VWA3B: variants seen among roughly 807,000 people sequenced by gnomAD.
VWA3B encodes von Willebrand factor A domain-containing protein 3B.
Under a neutral mutation model 158.3 loss-of-function variants are expected in VWA3B, and 138 were observed. The observed-to-expected ratio is 0.87, with a 90% CI of 0.76 to 1.00. The LOEUF (loss-of-function observed/expected upper bound fraction) is 1.00. Ranked by LOEUF, VWA3B falls within the 50% of genes least tolerant of loss-of-function variation. VWA3B has a pLI of 0.00. For synonymous variants in VWA3B, 596 were observed against 587.3 expected (o/e 1.01, Z -0.21); for missense variants, 1,555 against 1,565.1 (o/e 0.99, Z 0.11).
intron 10 of VWA3B, among the ~76,000 whole-genome samples, chr2:98,190,832 T>C (rs534353464): frequency 6.6e-6 from 1 of 152,280 alleles, no homozygotes; most frequent in African/African-American, 2.4e-5. Context: ...TGTAGTTTTC[T>C]TTATTTTTCT....
At chr2:98,197,415 G>C (rs920630946) in intron 12 of VWA3B, among the ~76,000 whole-genome samples, 2 of 152,160 alleles carry the variant, frequency 1.3e-5, no homozygotes, top group Admixed American at 1.3e-4. Flanking sequence ...AAGTTTTGGA[G>C]GAGGTGCTCT....
intron 3 of VWA3B, among the ~76,000 whole-genome samples, chr2:98,118,658 G>A (rs376346389): frequency 6.6e-6 from 1 of 152,104 alleles, no homozygotes; most frequent in South Asian, 2.1e-4. Flanking sequence ...TATAAACCCA[G>A]GCATTTGAGC....
At chr2:98,198,143 T>C (rs574188372) in intron 12 of VWA3B, among the ~76,000 whole-genome samples, 20 of 152,270 alleles carry the variant, frequency 1.3e-4, no homozygotes, top group African/African-American at 4.8e-4. Context: ...CATGCGTTCA[T>C]ACTGATACCT....
At chr2:98,303,053 C>CT (rs1445043752) in intron 25 of VWA3B, among the ~76,000 whole-genome samples, 1 of 152,148 alleles carries the variant, frequency 6.6e-6, no homozygotes, top group East Asian at 1.9e-4. Flanking sequence ...GGAAGCCTTC[C>CT]CCTTCCTGAT....
At chr2:98,315,588 T>C (rs889031824), downstream of VWA3B, among the ~76,000 whole-genome samples, 2 of 152,242 alleles carry the variant, frequency 1.3e-5, no homozygotes, top group African/African-American at 2.4e-5. Context: ...GTGAGAGTCA[T>C]CTACATACTT....
At chr2:98,270,923 C>A in intron 22 of VWA3B, 40 bp downstream of exon 22, 1 of 1,593,958 alleles carries the variant, frequency 6.3e-7, no homozygotes, top group Non-Finnish European at 8.6e-7. Flanking sequence ...TCCCTCTCTG[C>A]CTATCCCAAG....
At chr2:98,262,346 A>G (rs1362537932) in intron 21 of VWA3B, among the ~76,000 whole-genome samples, 1 of 151,862 alleles carries the variant, frequency 6.6e-6, no homozygotes, top group African/African-American at 2.4e-5. Flanking sequence ...GTCATATCCA[A>G]AAAAGCTTGC....
chr2:98,241,634 G>T (rs1461677046), intron 19 of VWA3B, among the ~76,000 whole-genome samples: 1 of 152,020 alleles, frequency 6.6e-6, no homozygotes, highest in Non-Finnish European at 1.5e-5. Context: ...AATAAAGAAT[G>T]AGTAGTGAGG....
At chr2:98,284,813 TA>T (rs1213935858) in intron 22 of VWA3B, among the ~76,000 whole-genome samples, 1 of 152,162 alleles carries the variant, frequency 6.6e-6, no homozygotes, top group African/African-American at 2.4e-5. Context: ...ATAATAAGTT[TA>T]TGGTTAAGAA....
At chr2:98,307,627 A>G (rs138859260) in intron 26 of VWA3B, among the ~76,000 whole-genome samples, 105 of 152,356 alleles carry the variant, frequency 6.9e-4, no homozygotes, top group East Asian at 5.2e-3. Flanking sequence ...AGGTCTTTGA[A>G]TAAATTTTGC....
At chr2:98,142,229 G>A (rs140123382) in intron 7 of VWA3B, among the ~76,000 whole-genome samples, 7 of 152,172 alleles carry the variant, frequency 4.6e-5, no homozygotes, top group African/African-American at 1.4e-4. Context: ...TGCTGCTCCC[G>A]TGCTGGGCTG....
intron 7 of VWA3B, among the ~76,000 whole-genome samples, chr2:98,144,210 A>C (rs1346240648): frequency 1.3e-5 from 2 of 152,158 alleles, no homozygotes; most frequent in African/African-American, 2.4e-5. Context: ...CATATATATG[A>C]AAAATGTTTT....
intron 7 of VWA3B, among the ~76,000 whole-genome samples, chr2:98,159,496 G>A (rs1459598545): frequency 6.6e-6 from 1 of 151,986 alleles, no homozygotes; most frequent in African/African-American, 2.4e-5. Flanking sequence ...TGATCCTCCT[G>A]CCTAGGCCTC....
At chr2:98,207,300 T>C in intron 12 of VWA3B, 1 of 490,046 alleles carries the variant, frequency 2.0e-6, no homozygotes. Flanking sequence ...TGCTGCCCCA[T>C]GCTGTCACTG....
intron 2 of VWA3B, among the ~76,000 whole-genome samples, chr2:98,107,224 A>G (rs1437789503): frequency 6.6e-6 from 1 of 152,084 alleles, no homozygotes; most frequent in Non-Finnish European, 1.5e-5. Flanking sequence ...TACATTGCAG[A>G]ATTCAATTTG....
rs12994459 is a variant in VWA3B, at chr2:98,311,818, G to T, written c.3522-1G>T. ...TAACCCTGATCTCTCTCTGTCTCTA[G>T]AGAGGATGTGGAGGCGAGGAACTCT... On this transcript the variant is annotated splice_acceptor_variant, in intron 26 of 27. Transcript: ENST00000477737. LOFTEE classifies it high-confidence loss of function. 1 of 1,599,838 alleles carries T rather than the reference G, an allele frequency of 6.3e-7. No homozygotes were observed. The highest frequency in any genetic ancestry group is 8.5e-7 in the Non-Finnish European group (1 of 1,173,344).
At chr2:98,136,580 C>T (rs370578548) in intron 7 of VWA3B, among the ~76,000 whole-genome samples, 13 of 147,290 alleles carry the variant, frequency 8.8e-5, no homozygotes, top group African/African-American at 2.6e-4. Flanking sequence ...TGCACCCTCA[C>T]GGGCAGAAGA....
In VWA3B at chr2:98,212,035, A is replaced by C. The variant is rs780234796; in HGVS notation, c.1836+7A>C. On this transcript the variant is annotated splice_region_variant and intron_variant, in intron 13 of 27. Transcript: ENST00000477737. ...CGATGGGAGACCTGATCAGGTACTT[A>C]CCAGAGCTGGGAACAAAGAGGGCCT... 3.1e-6 allele frequency: 5 copies of C among 1,613,034 alleles called. No individual in the cohort carries two copies. In the South Asian group the frequency reaches 5.5e-5, roughly 18 times the overall value.
intron 13 of VWA3B, chr2:98,216,926 C>A: frequency 7.7e-7 from 1 of 1,302,666 alleles, no homozygotes; most frequent in Non-Finnish European, 1.0e-6. Context: ...TTCCTTCATT[C>A]CATACAGCTG....
Sources: allele counts gnomAD v4.1 joint callset (sites outside exome capture counted in the v4.1 genomes callset), GRCh38; gene constraint gnomAD v4.1.1; transcripts MANE v1.5; gene names NCBI Gene and HGNC (gene_info 2026-07-23, HGNC 2026-07-21).